CCDC38: variants seen among roughly 807,000 people sequenced by gnomAD.
The protein encoded by CCDC38 is coiled-coil domain containing 38, also known as coiled-coil domain-containing protein 38.
In CCDC38, 69 loss-of-function variants were observed where a neutral mutation model predicts 72.8. The observed-to-expected ratio is 0.95, with a 90% CI of 0.78 to 1.16. The LOEUF (loss-of-function observed/expected upper bound fraction) is 1.16. CCDC38 is among the 50% of genes most tolerant of loss of function. The probability of loss-of-function intolerance (pLI) is 0.00; values close to 1 mark genes in which losing one functional copy is unlikely to be tolerated. For missense variants in CCDC38, 626 were observed against 638.9 expected, an observed-to-expected ratio of 0.98 and a Z score of 0.22; for synonymous variants, 201 against 213.2, an observed-to-expected ratio of 0.94 and a Z score of 0.50.
intron 2 of CCDC38, among the ~76,000 whole-genome samples, chr12:95,928,697 T>C (rs1026325841): frequency 2.0e-5 from 3 of 152,200 alleles, no homozygotes; most frequent in African/African-American, 7.2e-5. Flanking sequence ...TTGATGATGG[T>C]GATGTACAGA....
Position 95,906,452 on chromosome 12 carries a change from C to T in CCDC38, c.305-1G>A. 1.2e-6 allele frequency: 2 copies of T among 1,610,020 alleles called. No homozygotes were observed. Among genetic ancestry groups the T allele is most frequent in the Non-Finnish European group, 8.5e-7 (1 of 1,177,016 alleles). On this transcript the variant is annotated splice_acceptor_variant, in intron 4 of 15. Transcript: ENST00000344280. LOFTEE classifies it high-confidence loss of function. ...TGGACAGTCCTTTTTGTGTCGGAAC[C>T]TGTGAAGAAAGTTGAAATAGACTTA...
At chr12:95,875,773 A>C (rs898392079) in intron 13 of CCDC38, among the ~76,000 whole-genome samples, 1 of 152,214 alleles carries the variant, frequency 6.6e-6, no homozygotes, top group Non-Finnish European at 1.5e-5. Context: ...ATGAATGCCA[A>C]ATTTACACTT....
intron 3 of CCDC38, among the ~76,000 whole-genome samples, chr12:95,917,767 G>A (rs748701616): frequency 2.0e-5 from 3 of 151,658 alleles, no homozygotes; most frequent in Non-Finnish European, 2.9e-5. Context: ...AGCTACTCAG[G>A]AGGCTGAGGC....
intron 2 of CCDC38, among the ~76,000 whole-genome samples, chr12:95,926,984 G>A (rs1338202468): frequency 6.6e-6 from 1 of 152,150 alleles, no homozygotes; most frequent in East Asian, 1.9e-4. Context: ...TTTTGGAACA[G>A]GTATGGTGTG....
intron 4 of CCDC38, among the ~76,000 whole-genome samples, chr12:95,906,755 A>T (rs1294908811): frequency 6.7e-6 from 1 of 149,194 alleles, no homozygotes; most frequent in Non-Finnish European, 1.5e-5. Context: ...CCTGAAGTGT[A>T]GAGCTGTCAA....
At chr12:95,898,013 G>C (rs943366925) in intron 7 of CCDC38, among the ~76,000 whole-genome samples, 10 of 152,024 alleles carry the variant, frequency 6.6e-5, no homozygotes, top group Admixed American at 6.5e-4. Context: ...AAATGTGGGG[G>C]AAAAAATGTC....
chr12:95,920,020 A>C (rs1190302699), intron 2 of CCDC38, among the ~76,000 whole-genome samples: 1 of 152,196 alleles, frequency 6.6e-6, no homozygotes, highest in Non-Finnish European at 1.5e-5. Flanking sequence ...AGGGGCTCAC[A>C]AAAAACGTGT....
rs372345997 is a variant in CCDC38 at position 95,918,995 on chromosome 12, T to A, written c.38-19A>T. The A allele has an allele frequency of 1.5e-5, 21 of 1,416,658 alleles. No homozygotes were observed. The highest frequency in any genetic ancestry group is 1.7e-5 in the Admixed American group (1 of 59,150). 87.8% of individuals were successfully genotyped at this position (1,416,658 alleles called of 1,614,324 possible). A position where few individuals can be genotyped will look rare whatever the true frequency, so the allele number is the denominator to read the frequency against. On this transcript the variant is annotated intron_variant, in intron 2 of 15. Coordinates refer to ENST00000344280, the MANE Select transcript of CCDC38 (RefSeq NM_182496.3). ...ACTTTACCTGTTAAAAAAGAAAGAA[T>A]GAATGAATGAATTCTGTCATCCTTC... is the stretch of plus-strand genomic sequence containing the variant.
intron 2 of CCDC38, among the ~76,000 whole-genome samples, chr12:95,929,544 T>A (rs2080313926): frequency 6.6e-6 from 1 of 152,190 alleles, no homozygotes; most frequent in Admixed American, 6.5e-5. Context: ...CTGTTCCTAT[T>A]CGGCCATCTT....
chr12:95,878,810 TG>T (rs1226568963), intron 12 of CCDC38, among the ~76,000 whole-genome samples: 1 of 152,120 alleles, frequency 6.6e-6, no homozygotes, highest in African/African-American at 2.4e-5. Flanking sequence ...AATCTTATTG[TG>T]GAGGTGGGTG....
chr12:95,915,894 A>T (rs2080138831), intron 4 of CCDC38, among the ~76,000 whole-genome samples: 2 of 152,154 alleles, frequency 1.3e-5, no homozygotes, highest in South Asian at 4.1e-4. Flanking sequence ...CAAGACACCT[A>T]CTTTTAAGAG....
At chr12:95,883,700 C>G (rs2079726021) in intron 10 of CCDC38, among the ~76,000 whole-genome samples, 1 of 152,184 alleles carries the variant, frequency 6.6e-6, no homozygotes, top group Non-Finnish European at 1.5e-5. Flanking sequence ...ACTTGGCTGT[C>G]TTCCTCCCTA....
Position 95,881,542 on chromosome 12 carries a change from A to T in CCDC38, c.933T>A (p.Ser311Arg), listed in dbSNP as rs1335464022. 6.2e-7 allele frequency: 1 copy of T among 1,608,720 alleles called. No homozygotes were observed. Among genetic ancestry groups the T allele is most frequent in the Admixed American group, 1.7e-5 (1 of 59,282 alleles). ...ATTCCAAACTGTCTTCTGAACCGAA[A>T]CTTTCAGCCAGGCTGTAAAAGAAAA... ...PEKKKSNLAE[S>R]FGSEDSLEFL... Residue 311 changes from serine to arginine, a missense_variant, in exon 11 of 16, where the codon AGT becomes AGA. Coordinates refer to ENST00000344280, the MANE Select transcript of CCDC38 (RefSeq NM_182496.3).
Position 95,898,392 on chromosome 12 carries a change from C to G in CCDC38, c.607G>C (p.Val203Leu), listed in dbSNP as rs75959092. ...GATTGTGCCCACCCTCACCTTTTCA[C>G]TGCTTGTACCTCCATGCTTGCTTTC... ...LKKASMEVQA[V>L]KSEIAKTEFL... is the part of the protein sequence containing the mutation. Residue 203 changes from valine (V) to leucine (L), a missense_variant, in exon 7 of 16, where the codon GTG becomes CTG. Transcript: ENST00000344280. 180,435 of 1,613,970 alleles carry G rather than the reference C, an allele frequency of 0.11. 11,034 individuals carry two copies. Among genetic ancestry groups the G allele is most frequent in the Non-Finnish European group, 0.13 (147,591 of 1,179,846 alleles).
At chr12:95,931,236 T>C (rs1404776842) in intron 2 of CCDC38, among the ~76,000 whole-genome samples, 1 of 152,184 alleles carries the variant, frequency 6.6e-6, no homozygotes, top group Admixed American at 6.5e-5. Flanking sequence ...CTTTGGTTTG[T>C]GGTCTCTTCC....
At chr12:95,873,356 A>G (rs964371682) in intron 13 of CCDC38, among the ~76,000 whole-genome samples, 2 of 152,220 alleles carry the variant, frequency 1.3e-5, no homozygotes, top group Admixed American at 6.5e-5. Context: ...CTCAGAAAAA[A>G]AAGTTGCAAG....
rs184948686 is a variant in CCDC38 at position 95,915,352 on chromosome 12, G to C, written c.304+1777C>G. On this transcript the variant is annotated intron_variant, in intron 4 of 15. Coordinates refer to ENST00000344280, the MANE Select transcript of CCDC38 (RefSeq NM_182496.3). ...GAGAGATCTGAGGACATAGAATACT[G>C]CAACAGAGAGTCCTGCAACTATCCC... Among the ~76,000 whole-genome samples, 151 of 152,324 alleles carry C rather than the reference G, an allele frequency of 9.9e-4. No homozygotes were observed. In the Middle Eastern group the frequency reaches 0.01, roughly 10 times the overall value.
intron 2 of CCDC38, among the ~76,000 whole-genome samples, chr12:95,928,529 T>C (rs1444891649): frequency 2.0e-5 from 3 of 152,242 alleles, no homozygotes; most frequent in African/African-American, 4.8e-5. Context: ...GAAGCCTTCT[T>C]CTCTCAGCTC....
chr12:95,876,086 A>G (rs1028208535), intron 13 of CCDC38, among the ~76,000 whole-genome samples: 19 of 152,250 alleles, frequency 1.2e-4, no homozygotes, highest in African/African-American at 4.3e-4. Flanking sequence ...AATATATGGT[A>G]TAAACATACA....
Sources: gnomAD v4.1 joint callset for allele counts (sites outside exome capture counted in the v4.1 genomes callset) on GRCh38, gnomAD v4.1.1 for gene constraint, MANE v1.5 for transcripts, NCBI Gene and HGNC (gene_info 2026-07-23, HGNC 2026-07-21) for gene names.